The following DYNC1H1 variants were observed in gnomAD, a reference collection of about 807,000 sequenced individuals.
The protein encoded by DYNC1H1 is dynein cytoplasmic 1 heavy chain 1, also known as cytoplasmic dynein 1 heavy chain 1.
DYNC1H1 carries 51 observed loss-of-function variants against 527.1 expected under a neutral mutation model. That is an observed-to-expected ratio of 0.10 (90% CI 0.08 to 0.12). The LOEUF (loss-of-function observed/expected upper bound fraction) is 0.12. Ranked by LOEUF, DYNC1H1 falls within the 10% of genes least tolerant of loss-of-function variation. The pLI, the probability that DYNC1H1 is intolerant of heterozygous loss-of-function variation, is 1.00. For synonymous variants in DYNC1H1, 2,189 were observed against 2,278.8 expected (o/e 0.96, Z 1.12); for missense variants, 2,771 against 5,971.8 (o/e 0.46, Z 17.66).
At chr14:102,046,923 C>A (rs776474163) in intron 72 of DYNC1H1, among the ~76,000 whole-genome samples, 1 of 152,050 alleles carries the variant, frequency 6.6e-6, no homozygotes, top group Admixed American at 6.6e-5. Flanking sequence ...CTCAGCCTTC[C>A]AAGTAGCTGG....
intron 1 of DYNC1H1, among the ~76,000 whole-genome samples, chr14:101,974,519 G>T (rs1056273170): frequency 1.3e-5 from 2 of 152,190 alleles, no homozygotes; most frequent in African/African-American, 4.8e-5. Flanking sequence ...TTATTGCAAA[G>T]ATAATTTGAC....
intron 1 of DYNC1H1, among the ~76,000 whole-genome samples, chr14:101,974,379 A>G (rs1056411318): frequency 3.9e-5 from 6 of 152,092 alleles, no homozygotes; most frequent in African/African-American, 1.4e-4. Context: ...GATTGCAGGC[A>G]TGCGCCATCA....
At chr14:101,977,845 A>C (rs1420234830) in intron 2 of DYNC1H1, among the ~76,000 whole-genome samples, 1 of 152,254 alleles carries the variant, frequency 6.6e-6, no homozygotes, top group Non-Finnish European at 1.5e-5. Flanking sequence ...AATGTGTTAC[A>C]TCAGAAAGTT....
rs2047893749 is a variant in DYNC1H1, at chr14:101,983,671, T to A, written c.1461+62T>A. ...TGTTTTTGTTTTGTTTTTTGTTTGGTGTTTTTTTTTTGTTGTTGTTGTTGA... is the reference window on the plus strand; with the variant it reads ...TGTTTTTGTTTTGTTTTTTGTTTGGAGTTTTTTTTTTGTTGTTGTTGTTGA... On this transcript the variant is annotated intron_variant, in intron 7 of 77. Coordinates refer to ENST00000360184, the MANE Select transcript of DYNC1H1 (RefSeq NM_001376.5). This position sits in a 1 kb window ranked among gnomAD's most constrained non-coding sequence, Gnocchi z 5.3. 1 of 1,532,234 alleles carries A rather than the reference T, an allele frequency of 6.5e-7. No individual in the cohort carries two copies. Among genetic ancestry groups the A allele is most frequent in the African/African-American group, 1.4e-5 (1 of 70,732 alleles). 94.9% of individuals were successfully genotyped at this position (1,532,234 alleles called of 1,614,324 possible). A position where few individuals can be genotyped will look rare whatever the true frequency, so the allele number is the denominator to read the frequency against.
Position 102,036,786 on chromosome 14 carries a change from C to A in DYNC1H1, c.10908+144C>A. 1 of 1,114,826 alleles carries A rather than the reference C, an allele frequency of 9.0e-7. No homozygotes were observed. The highest frequency in any genetic ancestry group is 1.3e-6 in the Non-Finnish European group (1 of 747,044). The allele number at this position is 1,114,826 out of a possible 1,614,324, so 69.1% of individuals were successfully genotyped here. ...GCGGTGGTTCTGTAATAGATAAATT[C>A]AACAGAATCATTATTTGCATTTAAA... On this transcript the variant is annotated intron_variant, in intron 57 of 77. Transcript: ENST00000360184. This position sits in a 1 kb window ranked among gnomAD's most constrained non-coding sequence, Gnocchi z 5.6.
At chr14:101,987,196 A>G (rs992762005) in intron 8 of DYNC1H1, among the ~76,000 whole-genome samples, 13 of 152,140 alleles carry the variant, frequency 8.5e-5, no homozygotes, top group Non-Finnish European at 1.9e-4. Flanking sequence ...TCCCAGATTT[A>G]CCCATCAGAG....
rs2141289754 is a variant in DYNC1H1, at chr14:102,006,182, C to T, written c.5716+12C>T. Reference sequence around the variant, plus strand: ...GGGTTCCCCATTTGGTAAGTTCTTCCACAGATCTGGACAGATGGAATCATA... The same window carrying T: ...GGGTTCCCCATTTGGTAAGTTCTTCTACAGATCTGGACAGATGGAATCATA... On this transcript the variant is annotated intron_variant, in intron 27 of 77. Coordinates refer to ENST00000360184, the MANE Select transcript of DYNC1H1 (RefSeq NM_001376.5). 1.2e-6 allele frequency: 2 copies of T among 1,612,890 alleles called. No homozygotes were observed. The highest frequency in any genetic ancestry group is 1.7e-6 in the Non-Finnish European group (2 of 1,179,908).
chr14:102,050,271 T>A, intron 77 of DYNC1H1, 73 bp downstream of exon 77: 2 of 1,612,496 alleles, frequency 1.2e-6, no homozygotes, highest in South Asian at 2.2e-5. Context: ...CGGCTCCTCT[T>A]CTATGCCTGG....
chr14:101,995,365 A>C (rs2048047041), intron 15 of DYNC1H1, 65 bp downstream of exon 15: 1 of 1,599,116 alleles, frequency 6.3e-7, no homozygotes, highest in Non-Finnish European at 8.6e-7. Flanking sequence ...TAATCCCAGC[A>C]CTTTGGGAGG....
intron 23 of DYNC1H1, among the ~76,000 whole-genome samples, chr14:102,004,018 G>C (rs1253586857): frequency 2.0e-5 from 3 of 151,964 alleles, no homozygotes; most frequent in Non-Finnish European, 4.4e-5. Flanking sequence ...GAGGCGGGCG[G>C]ATCACGAGGT....
Position 101,986,797 on chromosome 14 carries a change from A to G in DYNC1H1, c.2538+34A>G, listed in dbSNP as rs1219328207. The G allele has an allele frequency of 1.9e-6, 3 of 1,612,056 alleles. No individual in the cohort carries two copies. Among genetic ancestry groups the G allele is most frequent in the Non-Finnish European group, 2.5e-6 (3 of 1,178,232 alleles). ...TCATGTAATCCTCAGGTGTCCTGGT[A>G]ACGAATGAAGCACAGTAATAGCGAG... On this transcript the variant is annotated intron_variant, in intron 8 of 77. Transcript: ENST00000360184. This position sits in a 1 kb window ranked among gnomAD's most constrained non-coding sequence, Gnocchi z 8.7.
rs1457930887 is a variant in DYNC1H1, at chr14:102,005,713, C to G, written c.5434-175C>G. Among the ~76,000 whole-genome samples, 1 of 152,224 alleles carries G rather than the reference C, an allele frequency of 6.6e-6. No individual in the cohort carries two copies. The highest frequency in any genetic ancestry group is 1.5e-5 in the Non-Finnish European group (1 of 68,050). ...AGCTCTGGGTTCTGTGTAATACCAT[C>G]TCATGAGTAACATTTCTCTCATCTC... On this transcript the variant is annotated intron_variant, in intron 26 of 77. Coordinates refer to ENST00000360184, the MANE Select transcript of DYNC1H1 (RefSeq NM_001376.5). The surrounding 1 kb of genome is among the most constrained non-coding windows in gnomAD (Gnocchi z 4.0).
Position 102,055,637 on chromosome 14 carries a change from CTTCCGA to C in DYNC1H1, c.*5079_*5084del, listed in dbSNP as rs1448479143. On this transcript the variant is annotated 3_prime_UTR_variant, in exon 78 of 78. Coordinates refer to ENST00000360184, the MANE Select transcript of DYNC1H1 (RefSeq NM_001376.5). ...CCCCCGCTGAAGTCTCTAATGGGTT[CTTCCGA>C]TTCCACCTGTCCAAGGTAAAACCCT... The C allele has an allele frequency of 1.3e-5, 2 of 152,768 alleles. No homozygotes were observed. The highest frequency in any genetic ancestry group is 4.8e-5 in the African/African-American group (2 of 41,444). The allele number at this position is 152,768 out of a possible 1,614,324, so 9.5% of individuals were successfully genotyped here. A position where few individuals can be genotyped will look rare whatever the true frequency, so the allele number is the denominator to read the frequency against.
chr14:102,025,626 TTGTG>T (rs965016856), intron 43 of DYNC1H1, among the ~76,000 whole-genome samples: 2 of 151,956 alleles, frequency 1.3e-5, no homozygotes, highest in African/African-American at 4.8e-5. Context: ...CTAATTGAGT[TTGTG>T]TATTGAGTGA....
chr14:102,006,284 G>C, intron 27 of DYNC1H1, 114 bp downstream of exon 27: 1 of 1,481,950 alleles, frequency 6.7e-7, no homozygotes, highest in Non-Finnish European at 9.1e-7. Context: ...GCCCAGGCTG[G>C]AGCACAGTGG....
At chr14:102,007,612 C>T (rs1430006781) in intron 28 of DYNC1H1, among the ~76,000 whole-genome samples, 3 of 152,062 alleles carry the variant, frequency 2.0e-5, no homozygotes, top group African/African-American at 4.8e-5. Context: ...TCACAGCCAC[C>T]GTGGGAGTAG....
At chr14:101,969,040 CAG>C (rs1397102025) in intron 1 of DYNC1H1, among the ~76,000 whole-genome samples, 5 of 151,604 alleles carry the variant, frequency 3.3e-5, no homozygotes, top group African/African-American at 4.8e-5. Flanking sequence ...TTTTTTGAGA[CAG>C]AGTCTCGCCC....
At chr14:101,989,079 A>G (rs2047967204) in intron 10 of DYNC1H1, among the ~76,000 whole-genome samples, 1 of 152,012 alleles carries the variant, frequency 6.6e-6, no homozygotes, top group Non-Finnish European at 1.5e-5. Context: ...AAAATCCCTC[A>G]CTCTCATGTG....
Position 102,017,635 on chromosome 14 carries a change from T to C in DYNC1H1, c.8177+131T>C, listed in dbSNP as rs2048338537. On this transcript the variant is annotated intron_variant, in intron 40 of 77. Transcript: ENST00000360184. This position sits in a 1 kb window ranked among gnomAD's most constrained non-coding sequence, Gnocchi z 4.6. Reference sequence around the variant, plus strand: ...TGCTTATTGTGGATTCCTCTTGGGTTACTTCTCTGTGCTGTAATGCCAGGA... The same window carrying C: ...TGCTTATTGTGGATTCCTCTTGGGTCACTTCTCTGTGCTGTAATGCCAGGA... The C allele has an allele frequency of 6.6e-7, 1 of 1,506,776 alleles. No individual in the cohort carries two copies. The highest frequency in any genetic ancestry group is 9.1e-7 in the Non-Finnish European group (1 of 1,093,132). 93.3% of individuals were successfully genotyped at this position (1,506,776 alleles called of 1,614,324 possible). A position where few individuals can be genotyped will look rare whatever the true frequency, so the allele number is the denominator to read the frequency against.
Sources: gnomAD v4.1 joint callset for allele counts (sites outside exome capture counted in the v4.1 genomes callset) on GRCh38, gnomAD v4.1.1 for gene constraint, Gnocchi (gnomAD v3.1) non-coding constraint, MANE v1.5 for transcripts, NCBI Gene and HGNC (gene_info 2026-07-23, HGNC 2026-07-21) for gene names.